Variants in DLGAP1 observed in about 807,000 individuals in gnomAD.
The protein encoded by DLGAP1 is disks large-associated protein 1.
DLGAP1 carries 11 observed loss-of-function variants against 90.8 expected under a neutral mutation model. The ratio of observed to expected loss-of-function variants is 0.12; its 90% CI spans 0.08 to 0.20. The LOEUF is 0.20. Among genes scored for constraint, DLGAP1 ranks in the 10% least tolerant of loss-of-function variants. The pLI is 1.00. For synonymous variants in DLGAP1, 558 were observed against 540.7 expected (o/e 1.03, Z -0.44); for missense variants, 1,050 against 1,333.8 (o/e 0.79, Z 3.31).
Position 3,509,908 on chromosome 18 carries a change from T to C in DLGAP1, c.2480-1247A>G, listed in dbSNP as rs368623823. Reference sequence around the variant, plus strand: ...CGTTCCCACAAGTCACTCAGTGCATTTATATTTCCTCTAATATGTCACCAG... The same window carrying C: ...CGTTCCCACAAGTCACTCAGTGCATCTATATTTCCTCTAATATGTCACCAG... On this transcript the variant is annotated intron_variant, in intron 10 of 12. Transcript: ENST00000315677. Among the ~76,000 whole-genome samples the C allele has an allele frequency of 7.9e-5, 12 of 152,296 alleles. 1 individual carries two copies. Among genetic ancestry groups the C allele is most frequent in the Admixed American group, 3.9e-4 (6 of 15,294 alleles).
At chr18:3,755,834 G>C (rs1423432588) in intron 5 of DLGAP1, among the ~76,000 whole-genome samples, 1 of 152,110 alleles carries the variant, frequency 6.6e-6, no homozygotes, top group Non-Finnish European at 1.5e-5. Flanking sequence ...GATACCTATA[G>C]AACACTCCAC....
intron 5 of DLGAP1, among the ~76,000 whole-genome samples, chr18:3,803,050 G>A (rs1045716807): frequency 7.9e-5 from 12 of 152,182 alleles, no homozygotes; most frequent in African/African-American, 2.9e-4. Context: ...CTTTTTGGGA[G>A]GAAGAAGCTC....
At chr18:3,700,077 C>T (rs900123030) in intron 7 of DLGAP1, among the ~76,000 whole-genome samples, 3 of 152,268 alleles carry the variant, frequency 2.0e-5, no homozygotes, top group East Asian at 3.9e-4. Flanking sequence ...GGGTGGGATC[C>T]GCTGAGCTAG....
intron 3 of DLGAP1, among the ~76,000 whole-genome samples, chr18:3,908,009 T>C (rs1005172332): frequency 1.3e-5 from 2 of 152,206 alleles, no homozygotes; most frequent in Non-Finnish European, 2.9e-5. Flanking sequence ...TAGAAACCAA[T>C]AAAAAGTTAT....
intron 2 of DLGAP1, among the ~76,000 whole-genome samples, chr18:4,022,029 T>C (rs9952023): frequency 6.6e-6 from 1 of 152,168 alleles, no homozygotes; most frequent in Non-Finnish European, 1.5e-5. Context: ...GAAAGACTAA[T>C]CCTTTAAAAC....
chr18:3,887,846 T>C (rs1009764236), intron 3 of DLGAP1, among the ~76,000 whole-genome samples: 9 of 152,058 alleles, frequency 5.9e-5, no homozygotes, highest in South Asian at 2.1e-4. Context: ...CAGTGGCTCA[T>C]GCCTGTGATC....
At chr18:4,122,456 G>C (rs891247334) in intron 2 of DLGAP1, among the ~76,000 whole-genome samples, 3 of 152,110 alleles carry the variant, frequency 2.0e-5, no homozygotes, top group Non-Finnish European at 2.9e-5. Flanking sequence ...GGGGTGATGC[G>C]GGAGAAATAC....
chr18:3,554,369 A>C (rs1046418535), intron 9 of DLGAP1, among the ~76,000 whole-genome samples: 2 of 152,230 alleles, frequency 1.3e-5, no homozygotes, highest in African/African-American at 4.8e-5. Context: ...CCTGTGAAAC[A>C]GGAATTGGGG....
intron 2 of DLGAP1, among the ~76,000 whole-genome samples, chr18:4,068,766 A>G (rs1251169510): frequency 1.3e-5 from 2 of 152,186 alleles, no homozygotes; most frequent in Admixed American, 6.6e-5. Context: ...TGTTGGTAAA[A>G]CTACAGTGAA....
intron 7 of DLGAP1, among the ~76,000 whole-genome samples, chr18:3,608,906 A>G (rs1259600235): frequency 1.3e-5 from 2 of 152,168 alleles, no homozygotes; most frequent in Non-Finnish European, 2.9e-5. Flanking sequence ...GCACGATCTC[A>G]GCTCACTGCA....
At chr18:3,692,822 C>G (rs1360702375) in intron 7 of DLGAP1, among the ~76,000 whole-genome samples, 1 of 152,060 alleles carries the variant, frequency 6.6e-6, no homozygotes, top group Non-Finnish European at 1.5e-5. Flanking sequence ...CCTGGAAATT[C>G]AAACAACTTC....
intron 1 of DLGAP1, among the ~76,000 whole-genome samples, chr18:4,243,348 A>T (rs951579541): frequency 6.6e-6 from 1 of 152,144 alleles, no homozygotes; most frequent in African/African-American, 2.4e-5. Flanking sequence ...TCTCTAAGGC[A>T]TTTGGAGGTG....
At chr18:3,725,378 T>C (rs1266342803) in intron 7 of DLGAP1, among the ~76,000 whole-genome samples, 2 of 152,160 alleles carry the variant, frequency 1.3e-5, no homozygotes, top group Non-Finnish European at 2.9e-5. Context: ...AGAATTGCAT[T>C]GGTATATTCC....
intron 2 of DLGAP1, among the ~76,000 whole-genome samples, chr18:4,101,485 A>T (rs2143876374): frequency 6.6e-6 from 1 of 152,334 alleles, no homozygotes. Context: ...TATAATTGTG[A>T]GAATTAGCAA....
intron 4 of DLGAP1, chr18:3,821,889 C>T: frequency 1.0e-6 from 1 of 985,022 alleles, no homozygotes; most frequent in Non-Finnish European, 1.2e-6. Flanking sequence ...ATTCCCTACT[C>T]ACTCGATTTC....
chr18:3,546,665 A>G (rs2053041917), intron 9 of DLGAP1, among the ~76,000 whole-genome samples: 1 of 152,088 alleles, frequency 6.6e-6, no homozygotes, highest in South Asian at 2.1e-4. Flanking sequence ...AAAAAAATCA[A>G]AAAGGAAAAT....
At chr18:4,101,952 A>T (rs1225268908) in intron 2 of DLGAP1, among the ~76,000 whole-genome samples, 1 of 152,060 alleles carries the variant, frequency 6.6e-6, no homozygotes, top group East Asian at 1.9e-4. Context: ...AAGCAGTTAT[A>T]GATATATAAA....
chr18:3,918,893 G>A (rs957084957), intron 3 of DLGAP1, among the ~76,000 whole-genome samples: 2 of 152,120 alleles, frequency 1.3e-5, no homozygotes, highest in Non-Finnish European at 2.9e-5. Context: ...GATGTTGCAA[G>A]CACTAGAGAT....
intron 5 of DLGAP1, among the ~76,000 whole-genome samples, chr18:3,769,606 C>G (rs2064420480): frequency 6.6e-6 from 1 of 152,028 alleles, no homozygotes; most frequent in Non-Finnish European, 1.5e-5. Flanking sequence ...AAAGCCAGTC[C>G]CAAAAGGTTA....
Sources: allele counts gnomAD v4.1 joint callset (sites outside exome capture counted in the v4.1 genomes callset), GRCh38; gene constraint gnomAD v4.1.1; transcripts MANE v1.5; gene names NCBI Gene and HGNC (gene_info 2026-07-23, HGNC 2026-07-21).